RASGEF1B: variants seen among roughly 807,000 people sequenced by gnomAD.
RASGEF1B encodes the protein ras-GEF domain-containing family member 1B.
A neutral mutation model predicts 65.7 loss-of-function variants in RASGEF1B; 30 were observed. That is an observed-to-expected ratio of 0.46 (90% CI 0.34 to 0.62). The LOEUF (loss-of-function observed/expected upper bound fraction) is 0.62. Ranked by LOEUF, RASGEF1B falls within the 20% of genes least tolerant of loss-of-function variation. The pLI, the probability that RASGEF1B is intolerant of heterozygous loss-of-function variation, is 0.01. For synonymous variants in RASGEF1B, 175 were observed against 194.8 expected (o/e 0.90, Z 0.85); for missense variants, 495 against 580.1 (o/e 0.85, Z 1.51).
At position 81,426,522 on chromosome 4, in the gene RASGEF1B, A is replaced by G. The variant is rs1257744963; in HGVS notation, c.*1246T>C. The G allele has an allele frequency of 6.6e-6, 1 of 152,226 alleles. No homozygotes were observed. The highest frequency in any genetic ancestry group is 1.5e-5 in the Non-Finnish European group (1 of 68,038). The allele number at this position is 152,226 out of a possible 1,614,324, so 9.4% of individuals were successfully genotyped here. On this transcript the variant is annotated 3_prime_UTR_variant, in exon 14 of 14. Coordinates refer to ENST00000264400, the MANE Select transcript of RASGEF1B (RefSeq NM_152545.3). ...TTGGAACCATGTCATTAAGTTTTCA[A>G]ATACATCTGTTTTGAACATGGTATT...
intron 1 of RASGEF1B, among the ~76,000 whole-genome samples, chr4:81,469,654 TAC>T (rs35924621): frequency 0.25 from 38,351 of 150,872 alleles, 5,082 homozygotes; most frequent in Non-Finnish European, 0.3. Flanking sequence ...TGTGTATATA[TAC>T]ACACACACAC....
At position 81,433,539 on chromosome 4, in the gene RASGEF1B, T is replaced by C. The variant is rs149194302; in HGVS notation, c.1324+301A>G. ...AACATACCACAAAACACCTTTTGTC[T>C]ATTCAAGTAAGCTCAAGCAAGAAAA... On this transcript the variant is annotated intron_variant, in intron 12 of 13. Coordinates refer to ENST00000264400, the MANE Select transcript of RASGEF1B (RefSeq NM_152545.3). Among the ~76,000 whole-genome samples the C allele has an allele frequency of 9.1e-3, 1,378 of 152,234 alleles. 8 individuals carry two copies. Among genetic ancestry groups the C allele is most frequent in the Non-Finnish European group, 0.015 (1,032 of 68,016 alleles).
intron 1 of RASGEF1B, among the ~76,000 whole-genome samples, chr4:81,459,969 C>T (rs540420489): frequency 1.1e-4 from 16 of 152,286 alleles, no homozygotes; most frequent in Non-Finnish European, 2.4e-4. Context: ...TGGAAGACAA[C>T]CAAAATTGAA....
At chr4:81,462,459 C>G (rs1722680877) in intron 1 of RASGEF1B, among the ~76,000 whole-genome samples, 1 of 152,186 alleles carries the variant, frequency 6.6e-6, no homozygotes, top group South Asian at 2.1e-4. Flanking sequence ...AGAGTTATGT[C>G]ACAGGCTATT....
At chr4:81,440,465 G>T (rs1240196308) in intron 10 of RASGEF1B, among the ~76,000 whole-genome samples, 1 of 152,116 alleles carries the variant, frequency 6.6e-6, no homozygotes, top group South Asian at 2.1e-4. Context: ...TAAGAGAAAA[G>T]GTTATATTAA....
chr4:81,445,005 A>G (rs890792188), intron 8 of RASGEF1B, among the ~76,000 whole-genome samples: 1 of 152,238 alleles, frequency 6.6e-6, no homozygotes, highest in African/African-American at 2.4e-5. Context: ...TATTGTTACC[A>G]TACATATTTA....
At chr4:81,458,487 G>A (rs1012113894) in intron 2 of RASGEF1B, among the ~76,000 whole-genome samples, 4 of 152,126 alleles carry the variant, frequency 2.6e-5, no homozygotes, top group African/African-American at 2.4e-5. Context: ...GAATTACTGC[G>A]GCAAGCACCA....
At chr4:81,466,740 C>G (rs1200692249) in intron 1 of RASGEF1B, among the ~76,000 whole-genome samples, 1 of 88,714 alleles carries the variant, frequency 1.1e-5, no homozygotes, top group African/African-American at 4.6e-5. Context: ...GCCTGGGCGA[C>G]AGAGCAAGCC....
chr4:81,440,800 C>T (rs767723399), intron 10 of RASGEF1B, 34 bp downstream of exon 10: 1 of 1,405,420 alleles, frequency 7.1e-7, no homozygotes, highest in African/African-American at 1.4e-5. Flanking sequence ...CACAGCAACT[C>T]TACCATAAGA....
Position 81,465,096 on chromosome 4 carries a change from A to G in RASGEF1B, c.-6-5582T>C, listed in dbSNP as rs149619971. On this transcript the variant is annotated intron_variant, in intron 1 of 13. Coordinates refer to ENST00000264400, the MANE Select transcript of RASGEF1B (RefSeq NM_152545.3). Reference sequence around the variant, plus strand: ...CAAAACTCCATCTCAAAAAAAAAAAAAAAGAAAGAAAGAAATCAAGGAATT... The same window carrying G: ...CAAAACTCCATCTCAAAAAAAAAAAGAAAGAAAGAAAGAAATCAAGGAATT... Among the ~76,000 whole-genome samples, 286 of 152,040 alleles carry G rather than the reference A, an allele frequency of 1.9e-3. 1 individual carries two copies. The highest frequency in any genetic ancestry group is 6.5e-3 in the African/African-American group (268 of 41,434).
chr4:81,438,208 C>CA (rs1051479055), intron 10 of RASGEF1B, among the ~76,000 whole-genome samples: 48 of 151,690 alleles, frequency 3.2e-4, no homozygotes, highest in South Asian at 6.2e-4. Context: ...CCTACAGAAA[C>CA]AAAAAAAACA....
intron 11 of RASGEF1B, among the ~76,000 whole-genome samples, chr4:81,434,275 T>C (rs1721534023): frequency 6.6e-6 from 1 of 152,138 alleles, no homozygotes; most frequent in Admixed American, 6.5e-5. Context: ...GGTTTCAAAC[T>C]CCTAGCCTCA....
chr4:81,467,913 A>G (rs186677522), intron 1 of RASGEF1B, among the ~76,000 whole-genome samples: 23 of 152,340 alleles, frequency 1.5e-4, no homozygotes, highest in Non-Finnish European at 2.8e-4. Context: ...TTTCTGGGAT[A>G]CTGAAAATGT....
At chr4:81,439,598 C>G (rs1036279205) in intron 10 of RASGEF1B, among the ~76,000 whole-genome samples, 14 of 152,210 alleles carry the variant, frequency 9.2e-5, no homozygotes, top group Middle Eastern at 3.2e-3. Context: ...GCCTGCCCTG[C>G]AACACAGAGA....
chr4:81,449,211 T>G (rs1268262244), intron 4 of RASGEF1B, among the ~76,000 whole-genome samples: 1 of 152,216 alleles, frequency 6.6e-6, no homozygotes, highest in African/African-American at 2.4e-5. Flanking sequence ...TAATCATTTC[T>G]TTTGCATTCA....
intron 10 of RASGEF1B, 71 bp downstream of exon 10, chr4:81,440,763 T>C (rs966291451): frequency 1.6e-5 from 15 of 966,448 alleles, no homozygotes; most frequent in Non-Finnish European, 2.4e-5. Flanking sequence ...TTCAGTGTCG[T>C]AGTTCACATA....
intron 4 of RASGEF1B, chr4:81,454,998 G>A (rs547761398): frequency 6.6e-6 from 1 of 152,260 alleles, no homozygotes; most frequent in African/African-American, 2.4e-5. Flanking sequence ...AAGTAAAAAG[G>A]TATAAGTAAA....
chr4:81,430,180 A>T (rs1721375981), intron 13 of RASGEF1B, among the ~76,000 whole-genome samples: 1 of 152,180 alleles, frequency 6.6e-6, no homozygotes, highest in African/African-American at 2.4e-5. Context: ...GGGCGCCTGT[A>T]GTCCCAGCTG....
At position 81,457,518 on chromosome 4, in the gene RASGEF1B, C is replaced by T; in HGVS notation, c.281G>A (p.Ser94Asn). Residue 94 changes from serine to asparagine, a missense_variant, in exon 3 of 14, where the codon AGT becomes AAT. Ser to Asn is a conservative substitution (Grantham distance 46). Coordinates refer to ENST00000264400, the MANE Select transcript of RASGEF1B (RefSeq NM_152545.3). Reference sequence around the variant, plus strand: ...CATTACCTTATCACTATCAGGATCACTTAGTCTCTGGTGCTCAACACATAA... The same window carrying T: ...CATTACCTTATCACTATCAGGATCATTTAGTCTCTGGTGCTCAACACATAA... ...CHLCVEHQRL[S>N]DPDSDKNQMR... 6.2e-7 allele frequency: 1 copy of T among 1,614,048 alleles called. No individual in the cohort carries two copies. Among genetic ancestry groups the T allele is most frequent in the Non-Finnish European group, 8.5e-7 (1 of 1,180,002 alleles).
Sources: allele counts gnomAD v4.1 joint callset (sites outside exome capture counted in the v4.1 genomes callset), GRCh38; gene constraint gnomAD v4.1.1; transcripts MANE v1.5; gene names NCBI Gene and HGNC (gene_info 2026-07-23, HGNC 2026-07-21).